Variants in PVALB observed in about 807,000 individuals in gnomAD.
The protein encoded by PVALB is parvalbumin alpha.
In PVALB, 11 loss-of-function variants were observed where a neutral mutation model predicts 10.9. The observed-to-expected ratio is 1.01, with a 90% CI of 0.63 to 1.67. The LOEUF (loss-of-function observed/expected upper bound fraction) is 1.67, where lower values mean the gene tolerates loss of function less well. Among genes scored for constraint, PVALB ranks in the 40% most tolerant of loss-of-function variants. The pLI is 0.00. For synonymous variants in PVALB, 57 were observed against 50.7 expected (o/e 1.12, Z -0.53); for missense variants, 131 against 136.2 (o/e 0.96, Z 0.19).
At chr22:36,816,805 C>A (rs1939146028) in intron 1 of PVALB, 140 bp downstream of exon 1, 1 of 674,896 alleles carries the variant, frequency 1.5e-6, no homozygotes, top group Admixed American at 3.6e-5. Context: ...GACGCCCCCG[C>A]CCCGACCTCG....
chr22:36,803,866 A>G (rs1938911082), intron 3 of PVALB, among the ~76,000 whole-genome samples: 1 of 152,222 alleles, frequency 6.6e-6, no homozygotes, highest in African/African-American at 2.4e-5. Context: ...TGTCAGGGTC[A>G]TGTGGAAAAC....
intron 3 of PVALB, among the ~76,000 whole-genome samples, chr22:36,806,458 G>A (rs1938951727): frequency 6.6e-6 from 1 of 152,184 alleles, no homozygotes; most frequent in Non-Finnish European, 1.5e-5. Flanking sequence ...AGAAGCTATT[G>A]ACAGGTGAGA....
chr22:36,815,145 A>C lies in PVALB; in HGVS notation c.152T>G (p.Leu51Arg), dbSNP rs149050098. ...ADDVKKVFHMLDKDKSGFIEE... is the reference protein window; with the variant it reads ...ADDVKKVFHMRDKDKSGFIEE... ...GATGAAGCCACTTTTGTCCTTGTCC[A>C]GCATGTGAAACACCTTCTTCACATC... Residue 51 changes from leucine to arginine, a missense_variant, in exon 2 of 4, where the codon CTG becomes CGG. By Grantham distance (102) the Leu-to-Arg change is moderately radical. Transcript: ENST00000417718. 2.0e-5 allele frequency: 33 copies of C among 1,614,066 alleles called. No individual in the cohort carries two copies. The African/African-American group carries it at 4.1e-4, about 20-fold the overall frequency.
At chr22:36,806,258 G>A (rs1354690086) in intron 3 of PVALB, among the ~76,000 whole-genome samples, 1 of 152,202 alleles carries the variant, frequency 6.6e-6, no homozygotes, top group African/African-American at 2.4e-5. Context: ...TCTGGGGCCA[G>A]CTTGCAGATG....
In PVALB at chr22:36,813,655, C is replaced by G; in HGVS notation, c.295G>C (p.Gly99Arg). The G allele has an allele frequency of 6.2e-7, 1 of 1,613,700 alleles. No individual in the cohort carries two copies. The highest frequency in any genetic ancestry group is 8.5e-7 in the Non-Finnish European group (1 of 1,179,600). The change falls in exon 3 of 4, where the codon GGG becomes CGG. Residue 99 changes from glycine to arginine, a missense_variant. Coordinates refer to ENST00000417718, the MANE Select transcript of PVALB (RefSeq NM_001315532.2). ...AGDKDGDGKI[G>R]VDEFSTLVAE... ...GGTCACGGCTACCCACCGTCAACCC[C>G]AATTTTGCCGTCCCCATCTTTGTCT...
chr22:36,803,887 G>A (rs575177755), intron 3 of PVALB, among the ~76,000 whole-genome samples: 1 of 152,370 alleles, frequency 6.6e-6, no homozygotes, highest in East Asian at 1.9e-4. Flanking sequence ...AAGAGGCAGA[G>A]CCAGGACTTG....
At chr22:36,808,392 G>C (rs998899096) in intron 3 of PVALB, among the ~76,000 whole-genome samples, 3 of 152,182 alleles carry the variant, frequency 2.0e-5, no homozygotes, top group Non-Finnish European at 4.4e-5. Context: ...ACACATGCTC[G>C]TGTGAGGCAG....
chr22:36,803,673 GTGGATGGATGGATGGATGGATGGATGGA>G lies in PVALB; in HGVS notation c.305-2783_305-2756del, dbSNP rs535685267. Among the ~76,000 whole-genome samples the G allele has an allele frequency of 9.2e-5, 11 of 119,932 alleles. No individual in the cohort carries two copies. In the East Asian group the frequency reaches 2.9e-3, roughly 32 times the overall value. The allele number at this position is 119,932 out of a possible 152,430, so 78.7% of individuals were successfully genotyped here. ...GATGAATGGATGGATGGGTGGGTGGGTGGATGGATGGATGGATGGATGGATGGATGGATGGATGGGTGGGTGGTTGGGT... is the reference window on the plus strand; with the variant it reads ...GATGAATGGATGGATGGGTGGGTGGGTGGATGGATGGGTGGGTGGTTGGGT... On this transcript the variant is annotated intron_variant, in intron 3 of 3. Transcript: ENST00000417718.
chr22:36,810,518 A>G lies in PVALB; in HGVS notation c.304+3128T>C, dbSNP rs191201289. 2.3e-3 allele frequency among the ~76,000 whole-genome samples: 350 copies of G among 152,192 alleles called. 4 individuals carry two copies. The highest frequency in any genetic ancestry group is 8.0e-3 in the African/African-American group (334 of 41,512). The stretch of plus-strand genomic sequence containing the variant: ...TCAGGGTGGTCTGTGCTCATTGTCT[A>G]TTTTATGTCTTGCCTATGAGCTCAA... On this transcript the variant is annotated intron_variant, in intron 3 of 3. Coordinates refer to ENST00000417718, the MANE Select transcript of PVALB (RefSeq NM_001315532.2).
chr22:36,814,287 GT>G (rs1939097657), intron 2 of PVALB, among the ~76,000 whole-genome samples: 1 of 151,670 alleles, frequency 6.6e-6, no homozygotes, highest in African/African-American at 2.4e-5. Flanking sequence ...GTGTGTGTGT[GT>G]GTGTGTGTGT....
chr22:36,813,519 C>T lies in PVALB; in HGVS notation c.304+127G>A. 6.7e-6 allele frequency: 5 copies of T among 741,234 alleles called. No homozygotes were observed. The Admixed American group carries it at 6.8e-5, about 10-fold the overall frequency. The allele number at this position is 741,234 out of a possible 1,614,324, so 45.9% of individuals were successfully genotyped here. A position where few individuals can be genotyped will look rare whatever the true frequency, so the allele number is the denominator to read the frequency against. On this transcript the variant is annotated intron_variant, in intron 3 of 3. Transcript: ENST00000417718. ...TCAGACCTAATGGACTGCTTTTTGT[C>T]TTCTAATCTGGGGGAGTGAGGGACC...
chr22:36,817,130 T>A, upstream of PVALB: 8 of 856,440 alleles, frequency 9.3e-6, no homozygotes, highest in Non-Finnish European at 1.4e-5. Flanking sequence ...GGGCCTGGCA[T>A]GGCGCCAGGG....
chr22:36,804,248 G>A (rs960515023), intron 3 of PVALB, among the ~76,000 whole-genome samples: 1 of 152,228 alleles, frequency 6.6e-6, no homozygotes, highest in African/African-American at 2.4e-5. Context: ...ATTTGGTGCA[G>A]CTGGTGTGAC....
At chr22:36,812,206 C>T (rs770211601) in intron 3 of PVALB, among the ~76,000 whole-genome samples, 4 of 152,164 alleles carry the variant, frequency 2.6e-5, no homozygotes, top group Admixed American at 6.5e-5. Flanking sequence ...GCAGAGGTGA[C>T]GTGTTCAAGG....
chr22:36,814,403 G>C (rs1489338293), intron 2 of PVALB, among the ~76,000 whole-genome samples: 1 of 152,116 alleles, frequency 6.6e-6, no homozygotes, highest in African/African-American at 2.4e-5. Flanking sequence ...GACAGGATGG[G>C]TGGGGAAGTC....
chr22:36,801,430 G>A (rs971479427), intron 3 of PVALB, among the ~76,000 whole-genome samples: 2 of 152,214 alleles, frequency 1.3e-5, no homozygotes, highest in Non-Finnish European at 2.9e-5. Flanking sequence ...GTGCCACTAC[G>A]TGTCTCTGAG....
intron 3 of PVALB, among the ~76,000 whole-genome samples, chr22:36,802,603 C>CACAAAAAAAAAAA (rs1222848851): frequency 3.6e-5 from 1 of 27,794 alleles, no homozygotes; most frequent in Non-Finnish European, 7.4e-5. Context: ...CCATCTCACA[C>CACAAAAAAAAAAA]AAAAAAAAAA....
chr22:36,802,280 C>T (rs1938877489), intron 3 of PVALB, among the ~76,000 whole-genome samples: 1 of 151,922 alleles, frequency 6.6e-6, no homozygotes, highest in Non-Finnish European at 1.5e-5. Context: ...ACACAAAAGC[C>T]AAACCAACAC....
rs1382498812 is a variant in PVALB, at chr22:36,813,726, G to A, written c.224C>T (p.Ala75Val). The A allele has an allele frequency of 6.2e-7, 1 of 1,613,844 alleles. No homozygotes were observed. Among genetic ancestry groups the A allele is most frequent in the Non-Finnish European group, 8.5e-7 (1 of 1,179,874 alleles). The part of the protein sequence containing the change: ...GFILKGFSPD[A>V]RDLSAKETKM... ...GGTTTCTTTAGCAGACAGGTCTCTG[G>A]CATCTGGGGAGAAGCCTTTTAGGAT... Residue 75 changes from alanine to valine, a missense_variant, in exon 3 of 4, where the codon GCC becomes GTC. Ala to Val is a moderately conservative substitution (Grantham distance 64). Transcript: ENST00000417718.
Sources: allele counts gnomAD v4.1 joint callset (sites outside exome capture counted in the v4.1 genomes callset), GRCh38; gene constraint gnomAD v4.1.1; transcripts MANE v1.5; gene names NCBI Gene and HGNC (gene_info 2026-07-23, HGNC 2026-07-21).